VEGFC: variants seen among roughly 807,000 people sequenced by gnomAD.
VEGFC encodes the protein FLT4 ligand DHM.
Under a neutral mutation model 46.1 loss-of-function variants are expected in VEGFC, and 12 were observed. The ratio of observed to expected loss-of-function variants is 0.26; its 90% CI spans 0.17 to 0.42. VEGFC has a LOEUF of 0.42. Ranked by LOEUF, VEGFC falls within the 10% of genes least tolerant of loss-of-function variation. The probability of loss-of-function intolerance (pLI) is 1.00; values close to 1 mark genes in which losing one functional copy is unlikely to be tolerated. For synonymous variants in VEGFC, 232 were observed against 195.5 expected (o/e 1.19, Z -1.56); for missense variants, 488 against 529.4 (o/e 0.92, Z 0.77).
intron 4 of VEGFC, among the ~76,000 whole-genome samples, chr4:176,688,202 G>C (rs574311248): frequency 1.3e-5 from 2 of 151,990 alleles, no homozygotes; most frequent in African/African-American, 2.4e-5. Context: ...AATCATATAG[G>C]GTTTTAGCTT....
chr4:176,790,489 CT>C (rs1236361044), intron 1 of VEGFC, among the ~76,000 whole-genome samples: 1 of 151,364 alleles, frequency 6.6e-6, no homozygotes, highest in Non-Finnish European at 1.5e-5. Flanking sequence ...AATAAGTTAA[CT>C]TTTTTAATCC....
chr4:176,770,641 A>G (rs758699411), intron 1 of VEGFC, among the ~76,000 whole-genome samples: 9 of 148,724 alleles, frequency 6.1e-5, no homozygotes, highest in Non-Finnish European at 1.3e-4. Flanking sequence ...GAAATTATCT[A>G]TTTCTGTTAT....
At chr4:176,728,081 T>C in intron 2 of VEGFC, 113 bp from the exon 3 acceptor site, 1 of 808,068 alleles carries the variant, frequency 1.2e-6, no homozygotes. Flanking sequence ...TTAAGTTCAA[T>C]ATATAACTAA....
chr4:176,734,552 T>C (rs78789274), intron 1 of VEGFC, among the ~76,000 whole-genome samples: 1 of 151,918 alleles, frequency 6.6e-6, no homozygotes, highest in Non-Finnish European at 1.5e-5. Context: ...CGTTCACCTT[T>C]TGAAACTAAA....
At chr4:176,750,614 G>A (rs752371769) in intron 1 of VEGFC, among the ~76,000 whole-genome samples, 6 of 151,638 alleles carry the variant, frequency 4.0e-5, no homozygotes, top group Non-Finnish European at 8.9e-5. Flanking sequence ...TTCAGGGGAA[G>A]CAGGAATTTA....
At chr4:176,750,972 A>G (rs2110894546) in intron 1 of VEGFC, among the ~76,000 whole-genome samples, 1 of 151,948 alleles carries the variant, frequency 6.6e-6, no homozygotes, top group African/African-American at 2.4e-5. Flanking sequence ...ACTTTACAAT[A>G]AAAGGAATAC....
chr4:176,744,064 T>C (rs960705727), intron 1 of VEGFC, among the ~76,000 whole-genome samples: 2 of 152,042 alleles, frequency 1.3e-5, no homozygotes, highest in Non-Finnish European at 2.9e-5. Context: ...AAAATTTTCA[T>C]GTTTACAGCA....
intron 1 of VEGFC, among the ~76,000 whole-genome samples, chr4:176,734,248 C>T (rs1346868227): frequency 6.6e-6 from 1 of 151,564 alleles, no homozygotes; most frequent in Admixed American, 6.6e-5. Flanking sequence ...ATAAGTATGG[C>T]CAAGTACAAT....
chr4:176,700,341 C>T (rs1734405400), intron 4 of VEGFC, among the ~76,000 whole-genome samples: 1 of 151,444 alleles, frequency 6.6e-6, no homozygotes, highest in South Asian at 2.1e-4. Context: ...CGCTGGAACC[C>T]GGGAGGCAGA....
chr4:176,720,530 T>C (rs966095400), intron 3 of VEGFC, among the ~76,000 whole-genome samples: 9 of 152,116 alleles, frequency 5.9e-5, no homozygotes, highest in Admixed American at 3.3e-4. Flanking sequence ...ATCTTTGTTT[T>C]CATGGAGTCT....
At chr4:176,773,613 A>G (rs762387757) in intron 1 of VEGFC, among the ~76,000 whole-genome samples, 3 of 152,196 alleles carry the variant, frequency 2.0e-5, no homozygotes, top group African/African-American at 7.2e-5. Context: ...AGTGAAGGCA[A>G]ATAGTAGAGA....
chr4:176,733,680 G>A (rs1390618831), intron 1 of VEGFC, among the ~76,000 whole-genome samples: 1 of 151,670 alleles, frequency 6.6e-6, no homozygotes, highest in African/African-American at 2.4e-5. Context: ...CTGTGGGGAT[G>A]GTGGTTATAC....
chr4:176,757,804 T>G (rs778920036), intron 1 of VEGFC, among the ~76,000 whole-genome samples: 13 of 152,064 alleles, frequency 8.5e-5, no homozygotes, highest in Non-Finnish European at 5.9e-5. Flanking sequence ...CTCTTTAATC[T>G]ACCTGAAATT....
intron 6 of VEGFC, among the ~76,000 whole-genome samples, 187 bp from the exon 7 acceptor site, chr4:176,684,227 A>G (rs762360843): frequency 3.9e-5 from 6 of 152,260 alleles, no homozygotes; most frequent in Non-Finnish European, 8.8e-5. Context: ...GGAATGGAAA[A>G]GCCTTAAAAT....
At chr4:176,699,837 TAA>T (rs1339277391) in intron 4 of VEGFC, among the ~76,000 whole-genome samples, 1 of 152,228 alleles carries the variant, frequency 6.6e-6, no homozygotes, top group Non-Finnish European at 1.5e-5. Flanking sequence ...TATAAATTGT[TAA>T]AAAGGCACAT....
chr4:176,709,743 C>T (rs75639885), intron 4 of VEGFC, among the ~76,000 whole-genome samples: 9,016 of 152,196 alleles, frequency 0.059, 910 homozygotes, highest in African/African-American at 0.2. Context: ...GTTCTTTGAG[C>T]AACTGAAAGT....
At chr4:176,706,704 A>G (rs1483964719) in intron 4 of VEGFC, among the ~76,000 whole-genome samples, 1 of 151,532 alleles carries the variant, frequency 6.6e-6, no homozygotes, top group Non-Finnish European at 1.5e-5. Context: ...TGTACTTAAT[A>G]AAGGAATTCT....
At chr4:176,767,853 G>A (rs910582111) in intron 1 of VEGFC, among the ~76,000 whole-genome samples, 3 of 152,154 alleles carry the variant, frequency 2.0e-5, no homozygotes, top group African/African-American at 4.8e-5. Context: ...AAGAACCAGT[G>A]AGACTGGTAA....
chr4:176,699,603 GT>G (rs1375081693), intron 4 of VEGFC, among the ~76,000 whole-genome samples: 1 of 152,086 alleles, frequency 6.6e-6, no homozygotes, highest in Non-Finnish European at 1.5e-5. Flanking sequence ...CAACAATTTT[GT>G]CCCAAATATC....
Sources: allele counts gnomAD v4.1 joint callset (sites outside exome capture counted in the v4.1 genomes callset), GRCh38; gene constraint gnomAD v4.1.1; transcripts MANE v1.5; gene names NCBI Gene and HGNC (gene_info 2026-07-23, HGNC 2026-07-21).